Variants in ANKRD36C observed in about 807,000 individuals in gnomAD.
ANKRD36C encodes ankyrin repeat domain 36C.
ANKRD36C carries 61 observed loss-of-function variants against 276.4 expected under a neutral mutation model. That is an observed-to-expected ratio of 0.22 (90% CI 0.18 to 0.27). The LOEUF is 0.27. Ranked by LOEUF, ANKRD36C falls within the 10% of genes least tolerant of loss-of-function variation. The probability of loss-of-function intolerance (pLI) is 1.00; values close to 1 mark genes in which losing one functional copy is unlikely to be tolerated. For synonymous variants in ANKRD36C, 483 were observed against 680.1 expected, an observed-to-expected ratio of 0.71 and a Z score of 4.51; for missense variants, 1,447 against 2,032.3, an observed-to-expected ratio of 0.71 and a Z score of 5.54.
intron 42 of ANKRD36C, 41 bp downstream of exon 44, chr2:95,912,203 T>C (rs755064908): frequency 6.5e-7 from 1 of 1,541,590 alleles, no homozygotes; most frequent in Non-Finnish European, 8.7e-7. Context: ...GAACTTCTTA[T>C]CTGGACTGCA....
intron 10 of ANKRD36C, among the ~76,000 whole-genome samples, chr2:95,959,877 G>C (rs1481546292): frequency 6.6e-6 from 1 of 152,172 alleles, no homozygotes; most frequent in Non-Finnish European, 1.5e-5. Flanking sequence ...AGTAGTTCCA[G>C]GAGCAGCCAA....
chr2:95,926,851 C>T (rs1439442913), intron 28 of ANKRD36C, among the ~76,000 whole-genome samples: 4 of 151,596 alleles, frequency 2.6e-5, no homozygotes, highest in Non-Finnish European at 3.0e-5. Flanking sequence ...ATAATTTCTC[C>T]ATCTGTTTTT....
intron 44 of ANKRD36C, 90 bp from the exon 65 acceptor site, chr2:95,891,950 C>T: frequency 2.0e-6 from 3 of 1,537,568 alleles, no homozygotes; most frequent in Non-Finnish European, 2.6e-6. Context: ...AACCTCTGTC[C>T]TCCTGCCTGT....
intron 44 of ANKRD36C, among the ~76,000 whole-genome samples, 176 bp downstream of exon 60, chr2:95,897,094 A>G (rs1045158010): frequency 6.7e-6 from 1 of 150,334 alleles, no homozygotes; most frequent in Non-Finnish European, 1.5e-5. Context: ...TACGGCGAAG[A>G]TCACGTTCCA....
At chr2:95,977,240 C>T (rs1384776154) in intron 6 of ANKRD36C, among the ~76,000 whole-genome samples, 3 of 152,004 alleles carry the variant, frequency 2.0e-5, no homozygotes, top group Non-Finnish European at 2.9e-5. Flanking sequence ...TTCTCTCTCC[C>T]CACTAATGTT....
At chr2:95,893,102 T>A (rs1676423452) in intron 44 of ANKRD36C, among the ~76,000 whole-genome samples, 1 of 151,366 alleles carries the variant, frequency 6.6e-6, no homozygotes, top group Non-Finnish European at 1.5e-5. Context: ...GGAAAATGAT[T>A]GCTACACCAG....
chr2:95,914,983 A>C (rs1198009839), intron 38 of ANKRD36C, among the ~76,000 whole-genome samples: 1 of 151,578 alleles, frequency 6.6e-6, no homozygotes, highest in Non-Finnish European at 1.5e-5. Context: ...ATAATATATT[A>C]ACCTCAATAA....
intron 60 of ANKRD36C, among the ~76,000 whole-genome samples, chr2:95,865,433 C>T (rs1392999082): frequency 2.6e-5 from 4 of 152,044 alleles, no homozygotes; most frequent in Non-Finnish European, 5.9e-5. Flanking sequence ...GGATTCATTT[C>T]AACAATTACT....
chr2:95,893,536 T>C (rs1676439021), intron 44 of ANKRD36C: 5 of 1,544,870 alleles, frequency 3.2e-6, no homozygotes, highest in Non-Finnish European at 4.4e-6. Context: ...AAATTACCTG[T>C]TCTAGATTTT....
At position 95,857,562 on chromosome 2, in the gene ANKRD36C, A is replaced by T. The variant is rs188051474; in HGVS notation, c.3897-70T>A. ...AAGCTCTAATTTTTTATCTTACCCAAATTCCTACCTAAGGGGTCCAGGGAG... is the reference window on the plus strand; with the variant it reads ...AAGCTCTAATTTTTTATCTTACCCATATTCCTACCTAAGGGGTCCAGGGAG... On this transcript the variant is annotated intron_variant, in intron 61 of 66. Transcript: ENST00000456556. 273 of 1,466,724 alleles carry T rather than the reference A, an allele frequency of 1.9e-4. 4 individuals carry two copies. In the East Asian group the frequency reaches 5.9e-3, roughly 32 times the overall value. The allele number at this position is 1,466,724 out of a possible 1,614,324, so 90.9% of individuals were successfully genotyped here.
chr2:95,959,702 CA>C (rs1383592114), intron 10 of ANKRD36C, among the ~76,000 whole-genome samples: 1 of 152,164 alleles, frequency 6.6e-6, no homozygotes, highest in Non-Finnish European at 1.5e-5. Context: ...CTATTTTGTC[CA>C]AAAGTTAGCT....
intron 40 of ANKRD36C, among the ~76,000 whole-genome samples, 157 bp downstream of exon 42, chr2:95,913,951 G>T (rs1200124504): frequency 6.6e-6 from 1 of 151,492 alleles, no homozygotes. Flanking sequence ...CAGACCAGCA[G>T]CATCAGCATC....
At chr2:95,857,048 A>G (rs1353707701) in intron 62 of ANKRD36C, among the ~76,000 whole-genome samples, 1 of 152,182 alleles carries the variant, frequency 6.6e-6, no homozygotes, top group Non-Finnish European at 1.5e-5. Context: ...ATGCTGAACT[A>G]TGTCACTAGG....
At chr2:95,970,856 A>T (rs1460958996) in intron 6 of ANKRD36C, among the ~76,000 whole-genome samples, 1 of 152,150 alleles carries the variant, frequency 6.6e-6, no homozygotes, top group Non-Finnish European at 1.5e-5. Context: ...CTGCTAGTCT[A>T]TCTGGACCCA....
intron 16 of ANKRD36C, among the ~76,000 whole-genome samples, chr2:95,950,146 T>G (rs1678160581): frequency 6.6e-6 from 1 of 152,288 alleles, no homozygotes; most frequent in African/African-American, 2.4e-5. Context: ...TATATTTAGA[T>G]ATTCTCCAAG....
exon 48 of ANKRD36C, chr2:95,889,840 T>C (rs772758393): frequency 6.2e-7 from 1 of 1,602,162 alleles, no homozygotes; most frequent in African/African-American, 1.3e-5. Flanking sequence ...TGTGGCCATA[T>C]TCGGAACAGA....
chr2:95,964,212 G>A (rs1573808221), intron 6 of ANKRD36C, among the ~76,000 whole-genome samples: 1 of 149,430 alleles, frequency 6.7e-6, no homozygotes, highest in East Asian at 2.0e-4. Flanking sequence ...TCTAGATTAA[G>A]CTGCAACCCA....
chr2:95,906,421 A>G (rs1286120690), intron 42 of ANKRD36C, among the ~76,000 whole-genome samples: 3 of 116,504 alleles, frequency 2.6e-5, no homozygotes, highest in Non-Finnish European at 3.7e-5. Context: ...CTTCCTCCCA[A>G]TTGCAATGTG....
chr2:95,959,097 G>C lies in ANKRD36C; in HGVS notation c.1004-312C>G, dbSNP rs562222851. The stretch of plus-strand genomic sequence containing the variant: ...TGAGGACAAATGTGATCTAAAATCA[G>C]AGCAGCGACTCATACACTTGGGAAT... On this transcript the variant is annotated intron_variant, in intron 10 of 66. Coordinates refer to ENST00000456556, the Ensembl canonical transcript of ANKRD36C. Among the ~76,000 whole-genome samples the C allele has an allele frequency of 2.7e-4, 41 of 152,340 alleles. No homozygotes were observed. The South Asian group carries it at 7.3e-3, about 27-fold the overall frequency.
Sources: allele counts gnomAD v4.1 joint callset (sites outside exome capture counted in the v4.1 genomes callset), GRCh38; gene constraint gnomAD v4.1.1; transcripts MANE v1.5; gene names NCBI Gene and HGNC (gene_info 2026-07-23, HGNC 2026-07-21).